Variants in AKAP6 observed in about 807,000 individuals in gnomAD.
AKAP6 encodes A-kinase anchor protein 6.
AKAP6 carries 58 observed loss-of-function variants against 188.5 expected under a neutral mutation model. That is an observed-to-expected ratio of 0.31 (90% CI 0.25 to 0.38). AKAP6 has a LOEUF of 0.38. Ranked by LOEUF, AKAP6 falls within the 10% of genes least tolerant of loss-of-function variation. The probability of loss-of-function intolerance (pLI) is 1.00; values close to 1 mark genes in which losing one functional copy is unlikely to be tolerated. For synonymous variants in AKAP6, 989 were observed against 998.6 expected (o/e 0.99, Z 0.18); for missense variants, 2,710 against 2,740.0 (o/e 0.99, Z 0.24).
At chr14:32,639,800 A>G (rs1482053534) in intron 7 of AKAP6, among the ~76,000 whole-genome samples, 1 of 152,110 alleles carries the variant, frequency 6.6e-6, no homozygotes. Context: ...GGGGCTGCGG[A>G]CTGAAAATGT....
At chr14:32,735,956 A>C (rs184096805) in intron 11 of AKAP6, 74 bp downstream of exon 11, 172 of 1,127,514 alleles carry the variant, frequency 1.5e-4, no homozygotes, top group Middle Eastern at 2.8e-4. Flanking sequence ...AAGTACATGA[A>C]GTATTATACC....
intron 7 of AKAP6, among the ~76,000 whole-genome samples, chr14:32,621,011 C>T (rs1886795533): frequency 6.6e-6 from 1 of 151,914 alleles, no homozygotes; most frequent in Non-Finnish European, 1.5e-5. Context: ...GTCATAATGT[C>T]TCCATTTTCG....
chr14:32,503,869 T>C (rs1880728794), intron 2 of AKAP6, among the ~76,000 whole-genome samples: 1 of 152,034 alleles, frequency 6.6e-6, no homozygotes, highest in African/African-American at 2.4e-5. Flanking sequence ...TCCATTTTTT[T>C]GTTAGAATCC....
At chr14:32,728,331 T>G (rs923110865) in intron 9 of AKAP6, among the ~76,000 whole-genome samples, 1 of 149,630 alleles carries the variant, frequency 6.7e-6, no homozygotes, top group Non-Finnish European at 1.5e-5. Flanking sequence ...TAAGATATAT[T>G]TTATTTTCTC....
chr14:32,582,401 G>A (rs1254603280), intron 5 of AKAP6, among the ~76,000 whole-genome samples: 34 of 151,650 alleles, frequency 2.2e-4, no homozygotes, highest in African/African-American at 8.0e-4. Flanking sequence ...TGGGTAACCC[G>A]ACCTTTCTCT....
intron 2 of AKAP6, among the ~76,000 whole-genome samples, chr14:32,439,329 T>C (rs1890491580): frequency 2.6e-5 from 4 of 152,168 alleles, no homozygotes; most frequent in Admixed American, 1.3e-4. Flanking sequence ...AGTCCAAGGA[T>C]AATGGGGCTC....
intron 2 of AKAP6, among the ~76,000 whole-genome samples, chr14:32,515,042 TA>T (rs1395324923): frequency 1.1e-4 from 16 of 152,244 alleles, no homozygotes; most frequent in African/African-American, 3.1e-4. Flanking sequence ...CTCATGCTAC[TA>T]AAAAAAGACA....
chr14:32,442,707 G>A (rs1024350713), intron 2 of AKAP6: 1 of 151,932 alleles, frequency 6.6e-6, no homozygotes, highest in Non-Finnish European at 1.5e-5. Flanking sequence ...GAGGGTGGGG[G>A]GCTTATTTTA....
intron 2 of AKAP6, among the ~76,000 whole-genome samples, chr14:32,512,544 G>A (rs979762070): frequency 7.9e-5 from 12 of 152,118 alleles, no homozygotes; most frequent in Non-Finnish European, 2.9e-5. Context: ...CCATTTTGGT[G>A]TGACATTGGG....
intron 11 of AKAP6, among the ~76,000 whole-genome samples, chr14:32,764,924 C>G (rs114460531): frequency 0.02 from 2,976 of 148,000 alleles, 93 homozygotes; most frequent in African/African-American, 0.07. Context: ...ATTTTGCATT[C>G]AAGTGAATCT....
intron 1 of AKAP6, among the ~76,000 whole-genome samples, chr14:32,335,256 C>T (rs958447985): frequency 6.6e-6 from 1 of 152,052 alleles, no homozygotes; most frequent in African/African-American, 2.4e-5. Flanking sequence ...TGAGAAGGGC[C>T]CACACTTAGT....
At chr14:32,332,912 A>G (rs370387067) in intron 1 of AKAP6, among the ~76,000 whole-genome samples, 3 of 152,212 alleles carry the variant, frequency 2.0e-5, no homozygotes, top group East Asian at 3.9e-4. Flanking sequence ...TGATATAGTC[A>G]TTTCTGTATC....
intron 2 of AKAP6, among the ~76,000 whole-genome samples, chr14:32,465,418 C>T (rs1878353356): frequency 6.6e-6 from 1 of 152,040 alleles, no homozygotes; most frequent in East Asian, 1.9e-4. Flanking sequence ...AGAACAGAGA[C>T]CTCAGAAATA....
intron 1 of AKAP6, among the ~76,000 whole-genome samples, chr14:32,329,893 C>A (rs920317018): frequency 6.6e-6 from 1 of 152,034 alleles, no homozygotes; most frequent in African/African-American, 2.4e-5. Context: ...GCTGAATAAG[C>A]ATTTGACATA....
At chr14:32,501,529 A>G (rs1880608847) in intron 2 of AKAP6, among the ~76,000 whole-genome samples, 1 of 152,140 alleles carries the variant, frequency 6.6e-6, no homozygotes. Context: ...ACCTGATCTA[A>G]CTAACTGCCC....
rs370840057 is a variant in AKAP6 at position 32,633,650 on chromosome 14, C to T, written c.2730+32858C>T. On this transcript the variant is annotated intron_variant, in intron 7 of 13. Transcript: ENST00000280979. ...TAGCATATCCAAATAGGAGCTGCAT[C>T]CAGGAATGAAGAATGAAGACAGATA... is the stretch of plus-strand genomic sequence containing the variant. 1.1e-4 allele frequency among the ~76,000 whole-genome samples: 16 copies of T among 152,204 alleles called. No individual in the cohort carries two copies. In the East Asian group the frequency reaches 2.3e-3, roughly 22 times the overall value.
chr14:32,764,048 C>T (rs982022611), intron 11 of AKAP6, among the ~76,000 whole-genome samples: 1 of 152,068 alleles, frequency 6.6e-6, no homozygotes, highest in Non-Finnish European at 1.5e-5. Flanking sequence ...AGCTTCTGAC[C>T]CCTTGCTGGA....
At chr14:32,341,552 AAGAT>A (rs1323911740) in intron 1 of AKAP6, among the ~76,000 whole-genome samples, 1 of 152,198 alleles carries the variant, frequency 6.6e-6, no homozygotes, top group Non-Finnish European at 1.5e-5. Context: ...TCCTTGGTGA[AAGAT>A]AGATTGGGGA....
chr14:32,786,296 A>ATGGTTTT, intron 12 of AKAP6, among the ~76,000 whole-genome samples: 1 of 93,706 alleles, frequency 1.1e-5, no homozygotes, highest in African/African-American at 4.1e-5. Flanking sequence ...CTAAACCTTT[A>ATGGTTTT]TCTTTTTTTT....
Sources: allele counts gnomAD v4.1 joint callset (sites outside exome capture counted in the v4.1 genomes callset), GRCh38; gene constraint gnomAD v4.1.1; transcripts MANE v1.5; gene names NCBI Gene and HGNC (gene_info 2026-07-23, HGNC 2026-07-21).